MYRIP: variants seen among roughly 807,000 people sequenced by gnomAD.
MYRIP encodes rab effector MyRIP.
Under a neutral mutation model 98.0 loss-of-function variants are expected in MYRIP, and 49 were observed. The observed-to-expected ratio is 0.50, with a 90% CI of 0.40 to 0.63. MYRIP has a LOEUF of 0.63. Among genes scored for constraint, MYRIP ranks in the 30% least tolerant of loss-of-function variants. The pLI is 0.00. For missense variants in MYRIP, 1,004 were observed against 1,058.2 expected (o/e 0.95, Z 0.71); for synonymous variants, 404 against 409.5 (o/e 0.99, Z 0.16).
chr3:39,914,705 A>G (rs1198840622), intron 2 of MYRIP, among the ~76,000 whole-genome samples: 1 of 152,156 alleles, frequency 6.6e-6, no homozygotes, highest in Non-Finnish European at 1.5e-5. Context: ...GATGAGGTAT[A>G]TGGGCCAATG....
intron 1 of MYRIP, among the ~76,000 whole-genome samples, chr3:39,832,570 C>T (rs562307212): frequency 1.3e-5 from 2 of 152,296 alleles, no homozygotes; most frequent in South Asian, 4.1e-4. Flanking sequence ...GCACGTAACA[C>T]TCATTTCTTA....
intron 2 of MYRIP, among the ~76,000 whole-genome samples, chr3:39,968,406 G>A (rs538415791): frequency 3.9e-5 from 6 of 152,022 alleles, no homozygotes; most frequent in South Asian, 2.1e-4. Flanking sequence ...CAAGTGATCC[G>A]CCTGCCTTGG....
chr3:39,974,768 C>A (rs1355408890), intron 2 of MYRIP, among the ~76,000 whole-genome samples: 1 of 152,098 alleles, frequency 6.6e-6, no homozygotes, highest in Non-Finnish European at 1.5e-5. Flanking sequence ...TAAACATAAT[C>A]CAGCATATAA....
At chr3:40,251,100 C>G (rs1953363398) in intron 15 of MYRIP, among the ~76,000 whole-genome samples, 1 of 152,212 alleles carries the variant, frequency 6.6e-6, no homozygotes, top group African/African-American at 2.4e-5. Flanking sequence ...CAATGCCAGT[C>G]ATGTCGCCTT....
chr3:39,990,798 ATAGG>A (rs1559551039), intron 2 of MYRIP, among the ~76,000 whole-genome samples: 1 of 152,204 alleles, frequency 6.6e-6, no homozygotes, highest in East Asian at 1.9e-4. Flanking sequence ...ATTGAGGATA[ATAGG>A]TAGTTTTTGC....
intron 3 of MYRIP, among the ~76,000 whole-genome samples, chr3:40,093,524 A>G (rs1227065312): frequency 1.3e-5 from 2 of 152,188 alleles, no homozygotes; most frequent in East Asian, 3.8e-4. Flanking sequence ...TATGCAGACC[A>G]GCTATGCAGG....
At chr3:39,983,394 C>T (rs1377256410) in intron 2 of MYRIP, among the ~76,000 whole-genome samples, 2 of 152,134 alleles carry the variant, frequency 1.3e-5, no homozygotes, top group Non-Finnish European at 2.9e-5. Context: ...TAATTTATAA[C>T]CCTAAAACTT....
chr3:40,241,278 C>G (rs1953005833), intron 12 of MYRIP, among the ~76,000 whole-genome samples: 1 of 152,198 alleles, frequency 6.6e-6, no homozygotes. Flanking sequence ...ACCTGCACTA[C>G]AGGGAGCCCA....
At chr3:40,219,711 C>T (rs957948375) in intron 11 of MYRIP, among the ~76,000 whole-genome samples, 20 of 152,296 alleles carry the variant, frequency 1.3e-4, no homozygotes, top group Admixed American at 1.1e-3. Flanking sequence ...ATATGTGCCA[C>T]ATTTTCTTAA....
intron 16 of MYRIP, among the ~76,000 whole-genome samples, chr3:40,256,219 C>A (rs934840440): frequency 1.3e-5 from 2 of 152,106 alleles, no homozygotes; most frequent in East Asian, 3.8e-4. Flanking sequence ...AAAACAGAAA[C>A]CCTACTTAGA....
chr3:40,073,583 C>G (rs1948275428), intron 3 of MYRIP, among the ~76,000 whole-genome samples: 1 of 152,242 alleles, frequency 6.6e-6, no homozygotes, highest in African/African-American at 2.4e-5. Context: ...ACCACCATCC[C>G]TGGAAGGTTC....
intron 3 of MYRIP, among the ~76,000 whole-genome samples, chr3:40,113,856 A>ATTT (rs756773833): frequency 6.6e-5 from 10 of 151,796 alleles, no homozygotes; most frequent in African/African-American, 2.4e-4. Context: ...CGCCCAGCTA[A>ATTT]TTTTTTGTAT....
At chr3:40,034,095 G>A (rs1000901860) in intron 2 of MYRIP, among the ~76,000 whole-genome samples, 5 of 152,116 alleles carry the variant, frequency 3.3e-5, no homozygotes, top group South Asian at 4.2e-4. Flanking sequence ...AGACTTAAAC[G>A]TTAGACCTAA....
intron 2 of MYRIP, chr3:39,969,978 T>C (rs1434757244): frequency 6.6e-6 from 1 of 152,188 alleles, no homozygotes; most frequent in African/African-American, 2.4e-5. Flanking sequence ...AGGCTGTTTA[T>C]TACTGATCCA....
intron 2 of MYRIP, among the ~76,000 whole-genome samples, chr3:39,921,356 C>T (rs796069109): frequency 5.9e-5 from 9 of 152,248 alleles, no homozygotes; most frequent in Admixed American, 1.3e-4. Flanking sequence ...TTCCAGTGTA[C>T]GTAGTAGACA....
chr3:40,151,544 T>C (rs1950121279), intron 4 of MYRIP, among the ~76,000 whole-genome samples: 1 of 152,234 alleles, frequency 6.6e-6, no homozygotes, highest in South Asian at 2.1e-4. Flanking sequence ...AGAGAGTACA[T>C]CTGTCCCTGG....
chr3:39,812,458 A>C (rs936830471), intron 1 of MYRIP, among the ~76,000 whole-genome samples: 1 of 152,196 alleles, frequency 6.6e-6, no homozygotes, highest in Admixed American at 6.5e-5. Context: ...CTTGATCATT[A>C]GTTATTTGGT....
At chr3:40,162,855 T>C (rs1405858112) in intron 5 of MYRIP, 45 bp downstream of exon 5, 1 of 1,544,690 alleles carries the variant, frequency 6.5e-7, no homozygotes. Flanking sequence ...GTTGGAGTAA[T>C]AGAAACACCT....
At chr3:39,875,342 C>T (rs1942953765) in intron 1 of MYRIP, among the ~76,000 whole-genome samples, 1 of 151,774 alleles carries the variant, frequency 6.6e-6, no homozygotes, top group Admixed American at 6.6e-5. Flanking sequence ...CTATTTCCTT[C>T]AGTTCTGCTC....
Sources: allele counts gnomAD v4.1 joint callset (sites outside exome capture counted in the v4.1 genomes callset), GRCh38; gene constraint gnomAD v4.1.1; transcripts MANE v1.5; gene names NCBI Gene and HGNC (gene_info 2026-07-23, HGNC 2026-07-21).